KAT6A: variants seen among roughly 807,000 people sequenced by gnomAD.
KAT6A encodes histone acetyltransferase KAT6A.
KAT6A carries 9 observed loss-of-function variants against 198.4 expected under a neutral mutation model. The ratio of observed to expected loss-of-function variants is 0.05; its 90% CI spans 0.03 to 0.08. The LOEUF (loss-of-function observed/expected upper bound fraction) is 0.08, where lower values mean the gene tolerates loss of function less well. Ranked by LOEUF, KAT6A falls within the 10% of genes least tolerant of loss-of-function variation. KAT6A has a pLI of 1.00. For synonymous variants in KAT6A, 890 were observed against 883.0 expected (o/e 1.01, Z -0.14); for missense variants, 2,077 against 2,509.9 (o/e 0.83, Z 3.69).
intron 13 of KAT6A, 77 bp downstream of exon 13, chr8:41,943,671 C>T (rs1822251089): frequency 1.1e-6 from 1 of 904,686 alleles, no homozygotes; most frequent in Non-Finnish European, 1.8e-6. Context: ...GCCCTTTCAT[C>T]AATAATCTGA....
chr8:42,034,241 T>C (rs1313957105), intron 2 of KAT6A, among the ~76,000 whole-genome samples: 1 of 152,230 alleles, frequency 6.6e-6, no homozygotes, highest in African/African-American at 2.4e-5. Flanking sequence ...CAGAATCGCC[T>C]GGAGGACTTA....
intron 2 of KAT6A, among the ~76,000 whole-genome samples, chr8:42,044,583 G>A (rs1827821134): frequency 6.6e-6 from 1 of 151,866 alleles, no homozygotes; most frequent in South Asian, 2.1e-4. Flanking sequence ...CCTTCCAAAG[G>A]TTAATATCAC....
Position 41,934,162 on chromosome 8 carries a change from T to A in KAT6A, c.4058A>T (p.Asp1353Val). The stretch of plus-strand genomic sequence containing the variant: ...TTCCCTACTCTTCTGCATATTAGCA[T>A]CTAAAAAAGACTCTTGAACACCAGG... ...EEPGVQESFLDANMQKSREKI... is the reference protein window; with the variant it reads ...EEPGVQESFLVANMQKSREKI... The change falls in exon 17 of 17, where the codon GAT becomes GTT. Residue 1353 changes from aspartate (D) to valine (V), a missense_variant. Asp to Val is a radical substitution (Grantham distance 152). This residue lies in a region of KAT6A where 375 missense variants were observed against 383.0 expected (regional missense o/e 0.98). Coordinates refer to ENST00000265713, the MANE Select transcript of KAT6A (RefSeq NM_006766.5). 1 of 1,614,176 alleles carries A rather than the reference T, an allele frequency of 6.2e-7. No homozygotes were observed. Among genetic ancestry groups the A allele is most frequent in the South Asian group, 1.1e-5 (1 of 91,082 alleles).
At chr8:41,936,231 C>T (rs1821849130) in intron 16 of KAT6A, among the ~76,000 whole-genome samples, 2 of 151,932 alleles carry the variant, frequency 1.3e-5, no homozygotes, top group South Asian at 4.2e-4. Flanking sequence ...ACTGCACTCC[C>T]ACCTGGGTGA....
intron 14 of KAT6A, 115 bp downstream of exon 14, chr8:41,942,678 T>C: frequency 8.6e-7 from 1 of 1,160,794 alleles, no homozygotes; most frequent in African/African-American, 1.6e-5. Flanking sequence ...ACTCTTGACA[T>C]TCTAATGTGA....
intron 1 of KAT6A, among the ~76,000 whole-genome samples, chr8:42,050,509 C>T (rs1802557403): frequency 6.6e-6 from 1 of 152,166 alleles, no homozygotes; most frequent in African/African-American, 2.4e-5. Flanking sequence ...AAAACTAATA[C>T]ACACTAGGAA....
intron 2 of KAT6A, among the ~76,000 whole-genome samples, chr8:42,004,754 T>C (rs539194505): frequency 6.8e-4 from 104 of 152,042 alleles, no homozygotes; most frequent in African/African-American, 2.5e-3. Flanking sequence ...GGTGAAACCC[T>C]ATCTCTAATA....
intron 2 of KAT6A, among the ~76,000 whole-genome samples, chr8:42,007,753 G>C (rs1175394724): frequency 1.3e-5 from 2 of 152,050 alleles, no homozygotes; most frequent in East Asian, 3.9e-4. Flanking sequence ...ACGAGGTCAG[G>C]AGATTGAGAA....
intron 8 of KAT6A, among the ~76,000 whole-genome samples, chr8:41,967,919 A>G (rs977804126): frequency 2.6e-5 from 4 of 152,166 alleles, no homozygotes. Context: ...CTGGCTACCC[A>G]TATGTAGAAA....
At chr8:42,011,785 A>G (rs1826029371) in intron 2 of KAT6A, among the ~76,000 whole-genome samples, 1 of 152,010 alleles carries the variant, frequency 6.6e-6, no homozygotes, top group Admixed American at 6.5e-5. Flanking sequence ...GTTTGTGGCA[A>G]GGAAATATTG....
At chr8:42,020,018 G>C (rs1456547129) in intron 2 of KAT6A, among the ~76,000 whole-genome samples, 1 of 152,120 alleles carries the variant, frequency 6.6e-6, no homozygotes, top group African/African-American at 2.4e-5. Context: ...AAATGCAAAT[G>C]AATCAGTGAT....
chr8:42,009,048 T>A (rs1825882791), intron 2 of KAT6A, among the ~76,000 whole-genome samples: 1 of 152,230 alleles, frequency 6.6e-6, no homozygotes. Flanking sequence ...TCATACCAAG[T>A]GTCTCAAATC....
chr8:42,021,075 T>C (rs1826508505), intron 2 of KAT6A, among the ~76,000 whole-genome samples: 1 of 152,134 alleles, frequency 6.6e-6, no homozygotes, highest in African/African-American at 2.4e-5. Flanking sequence ...GATATACTGT[T>C]ACTTCCAAAT....
chr8:42,028,881 C>T (rs1826972334), intron 2 of KAT6A, among the ~76,000 whole-genome samples: 1 of 152,076 alleles, frequency 6.6e-6, no homozygotes, highest in African/African-American at 2.4e-5. Flanking sequence ...TGTATGTCTG[C>T]TCTTCTAGTG....
At position 41,942,831 on chromosome 8, in the gene KAT6A, C is replaced by T. The variant is rs770323706; in HGVS notation, c.2398G>A (p.Glu800Lys). Reference protein sequence around the residue: ...EEEEAEEGENEEPQCQERELE... With the variant: ...EEEEAEEGENKEPQCQERELE... ...TCTCTTTCCTGGCACTGTGGCTCTT[C>T]GTTTTCTCCTTCCTCAGCCTCCTCT... Residue 800 changes from glutamate (E) to lysine (K), a missense_variant, in exon 14 of 17, where the codon GAA (glutamate) becomes AAA (lysine). Transcript: ENST00000265713. 3.7e-6 allele frequency: 6 copies of T among 1,614,016 alleles called. No homozygotes were observed. The highest frequency in any genetic ancestry group is 1.6e-4 in the Middle Eastern group (1 of 6,084).
chr8:41,994,363 C>T (rs928075886), intron 2 of KAT6A, among the ~76,000 whole-genome samples: 1 of 152,150 alleles, frequency 6.6e-6, no homozygotes, highest in Non-Finnish European at 1.5e-5. Flanking sequence ...CCCCTGCTTT[C>T]CCCCTCAGTT....
At chr8:41,945,427 C>T (rs1379470406) in intron 12 of KAT6A, among the ~76,000 whole-genome samples, 1 of 151,892 alleles carries the variant, frequency 6.6e-6, no homozygotes, top group African/African-American at 2.4e-5. Context: ...CCCACCACCA[C>T]ACCCAGCTAA....
At chr8:42,047,544 A>G (rs1191221814) in intron 2 of KAT6A, among the ~76,000 whole-genome samples, 1 of 152,086 alleles carries the variant, frequency 6.6e-6, no homozygotes, top group Admixed American at 6.6e-5. Flanking sequence ...CCTCCCAAGT[A>G]GCTAGGACTA....
chr8:41,978,412 G>C (rs1824175537), intron 6 of KAT6A, among the ~76,000 whole-genome samples: 1 of 152,186 alleles, frequency 6.6e-6, no homozygotes, highest in South Asian at 2.1e-4. Flanking sequence ...AGTAACAGCA[G>C]CAGCTATATT....
Sources: allele counts gnomAD v4.1 joint callset (sites outside exome capture counted in the v4.1 genomes callset), GRCh38; gene constraint gnomAD v4.1.1; regional missense constraint gnomAD v4.1.1; transcripts MANE v1.5; gene names NCBI Gene and HGNC (gene_info 2026-07-23, HGNC 2026-07-21).